Variants in ARHGAP31 observed in about 807,000 individuals in gnomAD.
The protein encoded by ARHGAP31 is rho GTPase-activating protein 31.
In ARHGAP31, 34 loss-of-function variants were observed where a neutral mutation model predicts 113.9. The observed-to-expected ratio is 0.30, with a 90% confidence interval of 0.23 to 0.40. ARHGAP31 has a LOEUF of 0.40. ARHGAP31 is among the 10% of genes least tolerant of loss of function. The pLI is 1.00. For synonymous variants in ARHGAP31, 650 were observed against 684.8 expected (o/e 0.95, Z 0.79); for missense variants, 1,548 against 1,767.1 (o/e 0.88, Z 2.22).
rs576661730 is a variant in ARHGAP31 at position 119,358,543 on chromosome 3, C to T, written c.101-6773C>T. ...ACATATATCCATACAAAAACTTGTACGTAAAGGTTCATAGCAACAATATTC... is the reference window on the plus strand; with the variant it reads ...ACATATATCCATACAAAAACTTGTATGTAAAGGTTCATAGCAACAATATTC... On this transcript the variant is annotated intron_variant, in intron 1 of 11. Coordinates refer to ENST00000264245, the MANE Select transcript of ARHGAP31 (RefSeq NM_020754.4). Among the ~76,000 whole-genome samples, 7 of 152,156 alleles carry T rather than the reference C, an allele frequency of 4.6e-5. No homozygotes were observed. The South Asian group carries it at 6.2e-4, about 14-fold the overall frequency.
rs2080801447 is a variant in ARHGAP31 at position 119,418,993 on chromosome 3, A to G, written c.*2729A>G. The stretch of plus-strand genomic sequence containing the variant: ...ATTCCATTCTAAAGAAAGAAAACTC[A>G]TATTCCTCCCCCCCACAAATTGTTC... On this transcript the variant is annotated 3_prime_UTR_variant, in exon 12 of 12. Transcript: ENST00000264245. 1 of 152,390 alleles carries G rather than the reference A, an allele frequency of 6.6e-6. No individual in the cohort carries two copies. The highest frequency in any genetic ancestry group is 2.4e-5 in the African/African-American group (1 of 41,408). 9.4% of individuals were successfully genotyped at this position (152,390 alleles called of 1,614,324 possible).
chr3:119,415,049 A>C lies in ARHGAP31; in HGVS notation c.3120A>C (p.Leu1040=). 1.2e-6 allele frequency: 2 copies of C among 1,614,174 alleles called. No individual in the cohort carries two copies. Among genetic ancestry groups the C allele is most frequent in the African/African-American group, 1.3e-5 (1 of 75,050 alleles). ...CAGCAGAAACCAGCCCCATCAGCCT[A>C]GCAGAGGGAAAGGAGCTAGGGACAC... ...PNPAETSPIS[L]AEGKELGTHL... The change falls in exon 12 of 12, where the codon CTA becomes CTC. Residue 1040 remains leucine (L), a synonymous_variant. Transcript: ENST00000264245.
chr3:119,326,650 G>T (rs74462781), intron 1 of ARHGAP31, among the ~76,000 whole-genome samples: 2,622 of 152,146 alleles, frequency 0.017, 35 homozygotes, highest in East Asian at 0.061. Flanking sequence ...TATTGTTTTG[G>T]GTGCATTTGT....
Position 119,368,378 on chromosome 3 carries a change from G to C in ARHGAP31, c.210G>C (p.Glu70Asp). The C allele has an allele frequency of 6.2e-7, 1 of 1,614,210 alleles. No homozygotes were observed. The highest frequency in any genetic ancestry group is 8.5e-7 in the Non-Finnish European group (1 of 1,180,024). ...VTSNIQRLRQ[E>D]FGSDQCPDLT... ...TCCGTCTGTGTTGTTTCAGGCAAGA[G>C]TTTGGCTCAGATCAATGTCCAGATC... The change falls in exon 3 of 12, where the codon GAG becomes GAC. Residue 70 changes from glutamate (E) to aspartate (D), a missense_variant. By Grantham distance (45) the Glu-to-Asp change is conservative (BLOSUM62 2). Transcript: ENST00000264245.
rs940265811 is a variant in ARHGAP31 at position 119,294,607 on chromosome 3, T to C, written c.-298T>C. 3 of 536,298 alleles carry C rather than the reference T, an allele frequency of 5.6e-6. No individual in the cohort carries two copies. The African/African-American group carries it at 6.1e-5, about 11-fold the overall frequency. 33.2% of individuals were successfully genotyped at this position (536,298 alleles called of 1,614,324 possible). On this transcript the variant is annotated 5_prime_UTR_variant, in exon 1 of 12. Coordinates refer to ENST00000264245, the MANE Select transcript of ARHGAP31 (RefSeq NM_020754.4). ...CACCCGAAGACACCGCAGGAGCCTGTGAAAGTCCCTAGGACTCCAAGTGAG... is the reference window on the plus strand; with the variant it reads ...CACCCGAAGACACCGCAGGAGCCTGCGAAAGTCCCTAGGACTCCAAGTGAG...
chr3:119,345,421 GGCAT>G (rs1313712360), intron 1 of ARHGAP31, among the ~76,000 whole-genome samples: 4 of 152,194 alleles, frequency 2.6e-5, no homozygotes, highest in Admixed American at 6.5e-5. Context: ...ACTTACAGGA[GGCAT>G]GCCTGGTCTC....
At chr3:119,348,915 G>A (rs1233225287) in intron 1 of ARHGAP31, among the ~76,000 whole-genome samples, 2 of 152,178 alleles carry the variant, frequency 1.3e-5, no homozygotes, top group African/African-American at 4.8e-5. Context: ...GTGAGAAGAG[G>A]AGTAAGCAGG....
chr3:119,302,219 A>T (rs961777776), intron 1 of ARHGAP31, among the ~76,000 whole-genome samples: 3 of 152,230 alleles, frequency 2.0e-5, no homozygotes, highest in South Asian at 2.1e-4. Flanking sequence ...TGATTCAGTG[A>T]GGGTCACAGC....
chr3:119,333,039 C>T (rs1284036871), intron 1 of ARHGAP31, among the ~76,000 whole-genome samples: 1 of 152,158 alleles, frequency 6.6e-6, no homozygotes, highest in Non-Finnish European at 1.5e-5. Context: ...AGACTAAGGG[C>T]CAACTTGGAT....
intron 1 of ARHGAP31, among the ~76,000 whole-genome samples, chr3:119,312,418 C>G (rs1160410243): frequency 6.6e-6 from 1 of 152,104 alleles, no homozygotes; most frequent in Non-Finnish European, 1.5e-5. Context: ...TGTAATGTTC[C>G]TTCTCACCCG....
At chr3:119,318,700 T>TTTAAATTAGA (rs751838853) in intron 1 of ARHGAP31, among the ~76,000 whole-genome samples, 1 of 152,250 alleles carries the variant, frequency 6.6e-6, no homozygotes, top group Non-Finnish European at 1.5e-5. Context: ...ACTTTTTTAC[T>TTTAAATTAGA]CTTGAATAAT....
At chr3:119,337,226 G>C (rs561650155) in intron 1 of ARHGAP31, among the ~76,000 whole-genome samples, 1 of 152,138 alleles carries the variant, frequency 6.6e-6, no homozygotes, top group Non-Finnish European at 1.5e-5. Context: ...CTGATGTTCG[G>C]ACATCTCCAG....
intron 1 of ARHGAP31, among the ~76,000 whole-genome samples, chr3:119,315,022 G>A (rs941514049): frequency 6.6e-6 from 1 of 152,150 alleles, no homozygotes; most frequent in Non-Finnish European, 1.5e-5. Flanking sequence ...CCTCCCCCAA[G>A]CCCTGACAGC....
At chr3:119,312,473 G>C (rs926029981) in intron 1 of ARHGAP31, among the ~76,000 whole-genome samples, 4 of 152,050 alleles carry the variant, frequency 2.6e-5, no homozygotes, top group African/African-American at 9.7e-5. Context: ...TTTTCTTCCA[G>C]CCTTCTCTTC....
chr3:119,396,173 A>T (rs1289181326), intron 8 of ARHGAP31, among the ~76,000 whole-genome samples: 6 of 152,250 alleles, frequency 3.9e-5, no homozygotes, highest in Non-Finnish European at 8.8e-5. Flanking sequence ...AACAATTCCC[A>T]GGCACTGGAT....
chr3:119,335,427 TTTTGGAGAAC>T (rs2079934894), intron 1 of ARHGAP31, among the ~76,000 whole-genome samples: 1 of 152,126 alleles, frequency 6.6e-6, no homozygotes, highest in African/African-American at 2.4e-5. Context: ...GCAAGCCAAG[TTTTGGAGAAC>T]CCTAACCCCG....
chr3:119,363,432 G>A (rs1049187733), intron 1 of ARHGAP31, among the ~76,000 whole-genome samples: 12 of 152,140 alleles, frequency 7.9e-5, no homozygotes, highest in African/African-American at 2.7e-4. Context: ...CTCACTCCTA[G>A]GAAGTGGTTC....
chr3:119,357,392 T>C (rs1033664152), intron 1 of ARHGAP31, among the ~76,000 whole-genome samples: 3 of 152,124 alleles, frequency 2.0e-5, no homozygotes, highest in African/African-American at 7.2e-5. Flanking sequence ...CTGTCCAGCG[T>C]GGCTGGAACA....
chr3:119,380,915 G>A lies in ARHGAP31; in HGVS notation c.360G>A (p.Ser120=), dbSNP rs750455296. The A allele has an allele frequency of 1.1e-5, 17 of 1,613,900 alleles. No homozygotes were observed. In the African/African-American group the frequency reaches 1.7e-4, roughly 16 times the overall value. ...GTTCTTCTCCACAGGAGGCAGTGTC[G>A]CATTGCCCTGAAGAAGGCCAACTGG... The part of the protein sequence containing the change: ...ELYEKFTEAV[S]HCPEEGQLAR... Residue 120 remains serine, a synonymous_variant, in exon 4 of 12, where the codon TCG becomes TCA. Transcript: ENST00000264245.
Sources: allele counts gnomAD v4.1 joint callset (sites outside exome capture counted in the v4.1 genomes callset), GRCh38; gene constraint gnomAD v4.1.1; transcripts MANE v1.5; gene names NCBI Gene and HGNC (gene_info 2026-07-23, HGNC 2026-07-21).